The following PPP1R9A variants were observed in gnomAD, a reference collection of about 807,000 sequenced individuals.
The protein encoded by PPP1R9A is protein phosphatase 1 regulatory subunit 9A, also known as neurabin-1.
PPP1R9A carries 59 observed loss-of-function variants against 141.9 expected under a neutral mutation model. That is an observed-to-expected ratio of 0.42 (90% confidence interval 0.34 to 0.52). The LOEUF (loss-of-function observed/expected upper bound fraction) is 0.52. PPP1R9A is among the 20% of genes least tolerant of loss of function. PPP1R9A has a pLI of 0.10. For synonymous variants in PPP1R9A, 500 were observed against 569.7 expected, an observed-to-expected ratio of 0.88 and a Z score of 1.74; for missense variants, 1,444 against 1,611.9, an observed-to-expected ratio of 0.90 and a Z score of 1.78.
intron 8 of PPP1R9A, among the ~76,000 whole-genome samples, chr7:95,241,926 A>G (rs1585418276): frequency 6.6e-6 from 1 of 152,256 alleles, no homozygotes; most frequent in East Asian, 1.9e-4. Context: ...AGCATCATTA[A>G]TAACAAGTTT....
At chr7:95,283,001 T>C (rs1386268540) in intron 16 of PPP1R9A, among the ~76,000 whole-genome samples, 2 of 152,220 alleles carry the variant, frequency 1.3e-5, no homozygotes, top group Non-Finnish European at 2.9e-5. Flanking sequence ...AGAAGTTGTC[T>C]GGCTGTGGTG....
At chr7:95,046,420 GT>G (rs529951833) in intron 2 of PPP1R9A, among the ~76,000 whole-genome samples, 23 of 152,206 alleles carry the variant, frequency 1.5e-4, no homozygotes, top group Middle Eastern at 6.8e-3. Context: ...TCTATTAAAT[GT>G]TTCAGATATT....
intron 2 of PPP1R9A, among the ~76,000 whole-genome samples, chr7:94,970,661 A>T: frequency 7.7e-6 from 1 of 129,754 alleles, no homozygotes. Context: ...TTTGAGATAG[A>T]GTCTCTCTCT....
chr7:95,204,997 C>T (rs1438343941), intron 7 of PPP1R9A, among the ~76,000 whole-genome samples: 1 of 149,540 alleles, frequency 6.7e-6, no homozygotes, highest in Non-Finnish European at 1.5e-5. Context: ...GACGCACACA[C>T]CATACACACC....
intron 14 of PPP1R9A, among the ~76,000 whole-genome samples, chr7:95,272,198 C>A (rs1333407795): frequency 1.3e-5 from 2 of 152,208 alleles, no homozygotes; most frequent in African/African-American, 2.4e-5. Flanking sequence ...TAACATCTCC[C>A]AGCTACCTCT....
At chr7:95,183,232 G>A (rs1834119559) in intron 5 of PPP1R9A, among the ~76,000 whole-genome samples, 2 of 151,812 alleles carry the variant, frequency 1.3e-5, no homozygotes, top group Admixed American at 6.6e-5. Flanking sequence ...CTGCCTCCCA[G>A]GTTCAAGTGA....
chr7:95,244,959 A>G (rs1166697322), intron 8 of PPP1R9A, among the ~76,000 whole-genome samples: 2 of 152,160 alleles, frequency 1.3e-5, no homozygotes, highest in Non-Finnish European at 1.5e-5. Flanking sequence ...TAATTTTCTA[A>G]TGCTCCATAG....
At chr7:94,935,708 A>G (rs749870157) in intron 2 of PPP1R9A, among the ~76,000 whole-genome samples, 157 of 152,188 alleles carry the variant, frequency 1.0e-3, no homozygotes, top group Non-Finnish European at 2.0e-3. Flanking sequence ...AAAATTTTAT[A>G]ATAATGAATG....
At chr7:95,083,479 C>T (rs1284794322) in intron 2 of PPP1R9A, among the ~76,000 whole-genome samples, 1 of 151,902 alleles carries the variant, frequency 6.6e-6, no homozygotes, top group Non-Finnish European at 1.5e-5. Flanking sequence ...CCTCTTGCTT[C>T]TGCTGTTTCC....
intron 4 of PPP1R9A, among the ~76,000 whole-genome samples, chr7:95,121,552 T>C (rs1280003697): frequency 6.6e-6 from 1 of 152,126 alleles, no homozygotes; most frequent in Admixed American, 6.6e-5. Context: ...GGCTCTGATA[T>C]ATCAGGTTGA....
chr7:94,923,129 A>T (rs1177576122), intron 2 of PPP1R9A, among the ~76,000 whole-genome samples: 2 of 152,166 alleles, frequency 1.3e-5, no homozygotes, highest in Non-Finnish European at 2.9e-5. Context: ...ATTTGTGGCT[A>T]ACCTTGTAAG....
At chr7:95,153,725 G>A (rs148476527) in intron 4 of PPP1R9A, among the ~76,000 whole-genome samples, 1 of 152,128 alleles carries the variant, frequency 6.6e-6, no homozygotes, top group Non-Finnish European at 1.5e-5. Flanking sequence ...GTTAGTTCTT[G>A]CTTGAAAGTT....
intron 5 of PPP1R9A, among the ~76,000 whole-genome samples, chr7:95,192,369 TTTA>T (rs1180377901): frequency 6.6e-6 from 1 of 151,964 alleles, no homozygotes; most frequent in Non-Finnish European, 1.5e-5. Flanking sequence ...AATTTATTAT[TTTA>T]TTATTAACTG....
intron 4 of PPP1R9A, among the ~76,000 whole-genome samples, chr7:95,154,339 TG>T (rs1311784811): frequency 6.6e-6 from 1 of 152,106 alleles, no homozygotes; most frequent in Non-Finnish European, 1.5e-5. Context: ...AAGTTTCTCT[TG>T]TTACTGGTTT....
chr7:95,089,471 C>A (rs1817046087), intron 2 of PPP1R9A, among the ~76,000 whole-genome samples: 1 of 151,984 alleles, frequency 6.6e-6, no homozygotes, highest in African/African-American at 2.4e-5. Context: ...GTACTTCTTT[C>A]CTTGAATCTA....
intron 2 of PPP1R9A, among the ~76,000 whole-genome samples, chr7:94,973,796 G>C (rs767661475): frequency 6.8e-6 from 1 of 146,804 alleles, no homozygotes; most frequent in Non-Finnish European, 1.5e-5. Flanking sequence ...ATAGCTCACT[G>C]TTGCCTCAAC....
Position 95,288,536 on chromosome 7 carries a change from A to G in PPP1R9A, c.3730A>G (p.Ile1244Val), listed in dbSNP as rs1307042830. The change falls in exon 19 of 20, where the codon ATC (isoleucine) becomes GTC (valine). Residue 1244 changes from isoleucine to valine, a missense_variant and splice_region_variant. Around this residue, in one of 5 missense-constraint regions of PPP1R9A, gnomAD observed 459 missense variants for 513.8 expected, o/e 0.89. Coordinates refer to ENST00000433360, the MANE Select transcript of PPP1R9A (RefSeq NM_001166160.2). Reference sequence around the variant, plus strand: ...ACACTACGTAACATTCCTATCTTAGATCCTTGATGATGGACAGTCTCCCAA... The same window carrying G: ...ACACTACGTAACATTCCTATCTTAGGTCCTTGATGATGGACAGTCTCCCAA... Reference protein sequence around the residue: ...SQSLALSSDEILDDGQSPKHS... With the variant: ...SQSLALSSDEVLDDGQSPKHS... The G allele has an allele frequency of 1.2e-6, 2 of 1,613,588 alleles. No homozygotes were observed. Among genetic ancestry groups the G allele is most frequent in the African/African-American group, 2.7e-5 (2 of 74,900 alleles).
chr7:95,207,455 A>G (rs1213693502), intron 7 of PPP1R9A, among the ~76,000 whole-genome samples: 1 of 152,092 alleles, frequency 6.6e-6, no homozygotes, highest in African/African-American at 2.4e-5. Flanking sequence ...TGAGAAAGAA[A>G]ACTTATAGGT....
rs186821115 is a variant in PPP1R9A at position 94,955,116 on chromosome 7, A to G, written c.1395+43608A>G. Among the ~76,000 whole-genome samples the G allele has an allele frequency of 3.9e-5, 6 of 152,096 alleles. No homozygotes were observed. The East Asian group carries it at 5.8e-4, about 15-fold the overall frequency. On this transcript the variant is annotated intron_variant, in intron 2 of 19. Coordinates refer to ENST00000433360, the MANE Select transcript of PPP1R9A (RefSeq NM_001166160.2). ...TTTTCTTTTCACTGTTTATTCATGT[A>G]TCATAGATTTTCCTCTAGTATTAGT...
Sources: gnomAD v4.1 joint callset for allele counts (sites outside exome capture counted in the v4.1 genomes callset) on GRCh38, gnomAD v4.1.1 for gene constraint, gnomAD v4.1.1 regional missense constraint, MANE v1.5 for transcripts, NCBI Gene and HGNC (gene_info 2026-07-23, HGNC 2026-07-21) for gene names.